Variants in PLXDC2 observed in about 807,000 individuals in gnomAD.
The protein encoded by PLXDC2 is plexin domain-containing protein 2.
In PLXDC2, 40 loss-of-function variants were observed where a neutral mutation model predicts 68.9. The ratio of observed to expected loss-of-function variants is 0.58; its 90% CI spans 0.45 to 0.76. The LOEUF is 0.76. Among genes scored for constraint, PLXDC2 ranks in the 30% least tolerant of loss-of-function variants. The pLI, the probability that PLXDC2 is intolerant of heterozygous loss-of-function variation, is 0.00. For synonymous variants in PLXDC2, 243 were observed against 234.2 expected, an observed-to-expected ratio of 1.04 and a Z score of -0.34; for missense variants, 644 against 661.9, an observed-to-expected ratio of 0.97 and a Z score of 0.30.
chr10:20,272,398 T>C (rs1365223292), intron 13 of PLXDC2, among the ~76,000 whole-genome samples: 1 of 152,148 alleles, frequency 6.6e-6, no homozygotes, highest in Non-Finnish European at 1.5e-5. Flanking sequence ...GTAAGAGGGC[T>C]TATTTATTTT....
intron 4 of PLXDC2, among the ~76,000 whole-genome samples, chr10:20,134,910 G>A (rs765045531): frequency 6.6e-6 from 1 of 152,120 alleles, no homozygotes; most frequent in Non-Finnish European, 1.5e-5. Context: ...GCGAAACTTG[G>A]TGCTGCTCAC....
intron 4 of PLXDC2, among the ~76,000 whole-genome samples, chr10:20,079,847 C>A (rs533771466): frequency 3.0e-4 from 46 of 152,124 alleles, no homozygotes; most frequent in African/African-American, 1.1e-3. Context: ...GGGCTTAAAA[C>A]CTAGATGATG....
intron 12 of PLXDC2, among the ~76,000 whole-genome samples, chr10:20,229,798 T>C (rs141096598): frequency 9.2e-5 from 14 of 152,314 alleles, no homozygotes; most frequent in African/African-American, 3.4e-4. Flanking sequence ...TGAAACTAAT[T>C]TGTAACAGTT....
chr10:19,968,240 T>A (rs1259259396), intron 1 of PLXDC2, among the ~76,000 whole-genome samples: 3 of 152,200 alleles, frequency 2.0e-5, no homozygotes, highest in Non-Finnish European at 4.4e-5. Context: ...AGTCAATTGT[T>A]CAGGTTTATG....
chr10:19,876,601 CAAAAAAA>C (rs61268790), intron 1 of PLXDC2, among the ~76,000 whole-genome samples: 100 of 63,982 alleles, frequency 1.6e-3, no homozygotes, highest in African/African-American at 4.1e-3. Flanking sequence ...GATTCCATCT[CAAAAAAA>C]AAAAAAAAAA....
At chr10:20,221,970 C>T (rs1398910922) in intron 12 of PLXDC2, among the ~76,000 whole-genome samples, 1 of 152,132 alleles carries the variant, frequency 6.6e-6, no homozygotes, top group Admixed American at 6.5e-5. Flanking sequence ...TTGAGGTTTA[C>T]AACATGAATT....
At chr10:19,827,467 T>G (rs916833060) in intron 1 of PLXDC2, among the ~76,000 whole-genome samples, 3 of 152,208 alleles carry the variant, frequency 2.0e-5, no homozygotes, top group South Asian at 4.1e-4. Flanking sequence ...ATAATTCAAT[T>G]TCTAAACAAC....
At chr10:19,902,801 T>A (rs72785821) in intron 1 of PLXDC2, among the ~76,000 whole-genome samples, 6,940 of 152,304 alleles carry the variant, frequency 0.046, 198 homozygotes, top group Middle Eastern at 0.13. Flanking sequence ...TTCAGTACAA[T>A]GTTTGCTGTG....
At chr10:20,262,552 G>A (rs1368113429) in intron 13 of PLXDC2, among the ~76,000 whole-genome samples, 1 of 152,148 alleles carries the variant, frequency 6.6e-6, no homozygotes, top group Non-Finnish European at 1.5e-5. Flanking sequence ...GCTTCAGAGA[G>A]TCTGAGCCAA....
intron 3 of PLXDC2, among the ~76,000 whole-genome samples, chr10:20,053,160 CTCTT>C (rs1384209620): frequency 2.0e-5 from 3 of 152,098 alleles, no homozygotes. Flanking sequence ...ATATTGGTAT[CTCTT>C]TCCTTTTATC....
At chr10:20,244,069 GA>G (rs1456887670) in intron 12 of PLXDC2, among the ~76,000 whole-genome samples, 1 of 149,176 alleles carries the variant, frequency 6.7e-6, no homozygotes, top group Non-Finnish European at 1.5e-5. Flanking sequence ...CCATCTCAAA[GA>G]AAAAACAAAG....
chr10:20,223,720 T>G (rs1419612127), intron 12 of PLXDC2, among the ~76,000 whole-genome samples: 1 of 152,212 alleles, frequency 6.6e-6, no homozygotes, highest in African/African-American at 2.4e-5. Context: ...CTTAAAGTAT[T>G]TGAAAGTGAA....
At chr10:20,273,828 G>A (rs1227239887) in intron 13 of PLXDC2, among the ~76,000 whole-genome samples, 2 of 152,148 alleles carry the variant, frequency 1.3e-5, no homozygotes, top group African/African-American at 4.8e-5. Context: ...ACCAGTCTGG[G>A]CAATGTGGTG....
intron 1 of PLXDC2, among the ~76,000 whole-genome samples, chr10:19,821,201 A>C (rs970711209): frequency 6.6e-6 from 1 of 152,196 alleles, no homozygotes; most frequent in African/African-American, 2.4e-5. Context: ...CTGTGGCCTC[A>C]AGCACTTTCC....
At chr10:20,207,147 T>G (rs1347977394) in intron 9 of PLXDC2, among the ~76,000 whole-genome samples, 3 of 152,152 alleles carry the variant, frequency 2.0e-5, no homozygotes, top group African/African-American at 7.2e-5. Flanking sequence ...CAAATCTCAC[T>G]TGTTTTGCCA....
intron 1 of PLXDC2, among the ~76,000 whole-genome samples, chr10:19,924,182 C>A (rs920603830): frequency 1.3e-5 from 2 of 152,200 alleles, no homozygotes; most frequent in African/African-American, 4.8e-5. Flanking sequence ...GACTGGGACC[C>A]CTCACGGGCT....
At chr10:20,028,930 G>A (rs1203897015) in intron 2 of PLXDC2, among the ~76,000 whole-genome samples, 1 of 152,060 alleles carries the variant, frequency 6.6e-6, no homozygotes, top group Non-Finnish European at 1.5e-5. Flanking sequence ...ACAGACATTC[G>A]AGGCTTTGTG....
At chr10:20,176,960 G>T in intron 7 of PLXDC2, 39 bp from the exon 8 acceptor site, 1 of 1,430,326 alleles carries the variant, frequency 7.0e-7, no homozygotes. Context: ...TGTAAGCGAG[G>T]AAAGGTTAAA....
chr10:20,245,841 C>T lies in PLXDC2; in HGVS notation c.1473+336C>T, dbSNP rs114984086. On this transcript the variant is annotated intron_variant, in intron 13 of 13. Transcript: ENST00000377252. ...CTCCTTGTTCTAGGAGGAAATACTA[C>T]GTATCTGGGGGGCTGAAGACTTAGC... Among the ~76,000 whole-genome samples, 668 of 152,198 alleles carry T rather than the reference C, an allele frequency of 4.4e-3. 3 individuals carry two copies. Among genetic ancestry groups the T allele is most frequent in the African/African-American group, 0.015 (624 of 41,514 alleles).
Sources: allele counts gnomAD v4.1 joint callset (sites outside exome capture counted in the v4.1 genomes callset), GRCh38; gene constraint gnomAD v4.1.1; transcripts MANE v1.5; gene names NCBI Gene and HGNC (gene_info 2026-07-23, HGNC 2026-07-21).